The following SETBP1 variants were observed in gnomAD, a reference collection of about 807,000 sequenced individuals.
SETBP1 encodes SET binding protein 1, also known as SET-binding protein.
In SETBP1, 9 loss-of-function variants were observed where a neutral mutation model predicts 101.0. That is an observed-to-expected ratio of 0.09 (90% CI 0.05 to 0.16). SETBP1 has a LOEUF of 0.16. Ranked by LOEUF, SETBP1 falls within the 10% of genes least tolerant of loss-of-function variation. The pLI, the probability that SETBP1 is intolerant of heterozygous loss-of-function variation, is 1.00. For synonymous variants in SETBP1, 818 were observed against 788.5 expected, an observed-to-expected ratio of 1.04 and a Z score of -0.63; for missense variants, 1,858 against 2,033.8, an observed-to-expected ratio of 0.91 and a Z score of 1.66.
At chr18:44,926,306 G>A (rs919071873) in intron 3 of SETBP1, among the ~76,000 whole-genome samples, 65 of 152,134 alleles carry the variant, frequency 4.3e-4, no homozygotes, top group African/African-American at 1.5e-3. Context: ...AAAGCCTTAT[G>A]CCTGGTGCAT....
At chr18:44,756,261 G>A (rs766500574) in intron 2 of SETBP1, among the ~76,000 whole-genome samples, 7 of 151,872 alleles carry the variant, frequency 4.6e-5, no homozygotes, top group African/African-American at 1.2e-4. Context: ...ATTATAAAGC[G>A]TTTCTCAGGG....
rs573629293 is a variant in SETBP1, at chr18:44,762,902, A to G, written c.486+61070A>G. 5.3e-5 allele frequency among the ~76,000 whole-genome samples: 8 copies of G among 152,346 alleles called. No homozygotes were observed. In the East Asian group the frequency reaches 1.5e-3, roughly 29 times the overall value. On this transcript the variant is annotated intron_variant, in intron 2 of 5. Transcript: ENST00000649279. ...TTATTCATTCATTCTCTAAATAGTAACAGAGTATTTATTTGGTGTAAGGCA... is the reference window on the plus strand; with the variant it reads ...TTATTCATTCATTCTCTAAATAGTAGCAGAGTATTTATTTGGTGTAAGGCA...
intron 4 of SETBP1, among the ~76,000 whole-genome samples, chr18:45,018,605 C>G (rs1331190021): frequency 6.6e-6 from 1 of 152,158 alleles, no homozygotes; most frequent in African/African-American, 2.4e-5. Flanking sequence ...TAGTTAGGAG[C>G]CAGGTGATGT....
intron 2 of SETBP1, among the ~76,000 whole-genome samples, chr18:44,823,758 A>G (rs1309783482): frequency 2.0e-5 from 3 of 152,228 alleles, no homozygotes; most frequent in African/African-American, 2.4e-5. Flanking sequence ...TAGGAGAGCC[A>G]AAGATCTGTG....
At chr18:45,050,719 G>A (rs1027601769) in intron 5 of SETBP1, among the ~76,000 whole-genome samples, 6 of 152,188 alleles carry the variant, frequency 3.9e-5, no homozygotes, top group Admixed American at 6.5e-5. Flanking sequence ...GGGATCCAGG[G>A]CTAGCCAGCA....
At chr18:44,879,022 C>T (rs2069472570) in intron 3 of SETBP1, among the ~76,000 whole-genome samples, 1 of 152,184 alleles carries the variant, frequency 6.6e-6, no homozygotes, top group Non-Finnish European at 1.5e-5. Flanking sequence ...TTCCTTTGTA[C>T]ATCTCTCACC....
Position 45,063,549 on chromosome 18 carries a change from C to G in SETBP1, c.4642C>G (p.Pro1548Ala), listed in dbSNP as rs1274960889. 8 of 1,489,060 alleles carry G rather than the reference C, an allele frequency of 5.4e-6. No homozygotes were observed. The Admixed American group carries it at 1.2e-4, about 23-fold the overall frequency. The allele number at this position is 1,489,060 out of a possible 1,614,324, so 92.2% of individuals were successfully genotyped here. The change falls in exon 6 of 6, where the codon CCC (proline) becomes GCC (alanine). Residue 1548 changes from proline (P) to alanine (A), a missense_variant. Physicochemically the swap from Pro to Ala is conservative, Grantham distance 27. This residue lies in a region of SETBP1 where 178 missense variants were observed against 189.1 expected (regional missense o/e 0.94). Coordinates refer to ENST00000649279, the MANE Select transcript of SETBP1 (RefSeq NM_015559.3). The stretch of plus-strand genomic sequence containing the variant: ...CCCGCCACCCCCTCTACCCAAGACC[C>G]CCCGAGGCGGAAAGAGGAAACACAA... ...LPPPPPLPKT[P>A]RGGKRKHKPQ... is the part of the protein sequence containing the mutation.
At chr18:44,698,916 G>A (rs2069064644) in intron 1 of SETBP1, among the ~76,000 whole-genome samples, 1 of 151,992 alleles carries the variant, frequency 6.6e-6, no homozygotes, top group African/African-American at 2.4e-5. Flanking sequence ...TCTTGTACAC[G>A]TAGTAAAATG....
At chr18:44,773,184 A>G (rs548485025) in intron 2 of SETBP1, among the ~76,000 whole-genome samples, 6 of 152,382 alleles carry the variant, frequency 3.9e-5, no homozygotes, top group Middle Eastern at 3.4e-3. Flanking sequence ...TAGACAGTCC[A>G]TAGAGGAAGC....
intron 2 of SETBP1, among the ~76,000 whole-genome samples, chr18:44,729,892 C>T (rs1327497928): frequency 6.6e-6 from 1 of 152,204 alleles, no homozygotes; most frequent in Non-Finnish European, 1.5e-5. Context: ...CAGGCTTTTG[C>T]ACCGCAGGGT....
intron 1 of SETBP1, among the ~76,000 whole-genome samples, chr18:44,692,545 C>T (rs897131038): frequency 6.6e-6 from 1 of 152,174 alleles, no homozygotes; most frequent in African/African-American, 2.4e-5. Context: ...TAAAATATAG[C>T]CCTTGTCCTC....
At chr18:44,984,652 A>T (rs1390310945) in intron 4 of SETBP1, among the ~76,000 whole-genome samples, 1 of 152,174 alleles carries the variant, frequency 6.6e-6, no homozygotes, top group Non-Finnish European at 1.5e-5. Context: ...TGTCATCAGG[A>T]TGTGGTGTGG....
At chr18:44,954,167 C>T (rs550767320) in intron 4 of SETBP1, among the ~76,000 whole-genome samples, 1 of 152,154 alleles carries the variant, frequency 6.6e-6, no homozygotes, top group East Asian at 1.9e-4. Context: ...GCCAACCTCC[C>T]CAACCACACA....
intron 3 of SETBP1, among the ~76,000 whole-genome samples, chr18:44,889,484 T>C (rs1051190607): frequency 2.0e-5 from 3 of 152,078 alleles, no homozygotes; most frequent in Admixed American, 1.3e-4. Flanking sequence ...TAGACTAGAG[T>C]CATAAGAAAT....
chr18:44,695,090 A>G (rs1053153182), intron 1 of SETBP1, among the ~76,000 whole-genome samples: 2 of 152,202 alleles, frequency 1.3e-5, no homozygotes, highest in African/African-American at 4.8e-5. Context: ...ATAGAATCAA[A>G]TTGGTATTAT....
chr18:44,905,307 A>G (rs1429425627), intron 3 of SETBP1, among the ~76,000 whole-genome samples: 1 of 152,206 alleles, frequency 6.6e-6, no homozygotes, highest in Non-Finnish European at 1.5e-5. Context: ...ATATGGGAAT[A>G]TGCAGTGATT....
At chr18:44,917,076 G>A (rs1677147356) in intron 3 of SETBP1, among the ~76,000 whole-genome samples, 1 of 152,206 alleles carries the variant, frequency 6.6e-6, no homozygotes, top group Non-Finnish European at 1.5e-5. Flanking sequence ...ATTAATAGGT[G>A]TAGCTGTTTG....
intron 2 of SETBP1, among the ~76,000 whole-genome samples, chr18:44,810,607 G>T (rs2144825175): frequency 6.6e-6 from 1 of 152,244 alleles, no homozygotes; most frequent in Admixed American, 6.5e-5. Flanking sequence ...TTTGATTTAG[G>T]GTCTGGAGAT....
At chr18:44,898,345 TAC>T (rs2069957332) in intron 3 of SETBP1, among the ~76,000 whole-genome samples, 1 of 152,166 alleles carries the variant, frequency 6.6e-6, no homozygotes, top group Non-Finnish European at 1.5e-5. Context: ...CAATTTATGG[TAC>T]ATAGGAGAAT....
Sources: gnomAD v4.1 joint callset for allele counts (sites outside exome capture counted in the v4.1 genomes callset) on GRCh38, gnomAD v4.1.1 for gene constraint, gnomAD v4.1.1 regional missense constraint, MANE v1.5 for transcripts, NCBI Gene and HGNC (gene_info 2026-07-23, HGNC 2026-07-21) for gene names.